The following MECOM variants were observed in gnomAD, a reference collection of about 807,000 sequenced individuals.
MECOM encodes MDS1 and EVI1 complex locus.
In MECOM, 13 loss-of-function variants were observed where a neutral mutation model predicts 116.3. That is an observed-to-expected ratio of 0.11 (90% CI 0.07 to 0.18). The LOEUF (loss-of-function observed/expected upper bound fraction) is 0.18. Ranked by LOEUF, MECOM falls within the 10% of genes least tolerant of loss-of-function variation. MECOM has a pLI of 1.00. For missense variants in MECOM, 1,299 were observed against 1,509.0 expected (o/e 0.86, Z 2.31); for synonymous variants, 528 against 535.2 (o/e 0.99, Z 0.19).
chr3:169,663,557 T>C lies in MECOM; in HGVS notation c.-185A>G, dbSNP rs908197647. The C allele has an allele frequency of 6.4e-6, 4 of 627,786 alleles. No homozygotes were observed. The highest frequency in any genetic ancestry group is 2.8e-5 in the East Asian group (1 of 35,962). 38.9% of individuals were successfully genotyped at this position (627,786 alleles called of 1,614,324 possible). ...CTCCCTCCTGTTTCTCTCCTGTTTC[T>C]CTCTCTCTTCCACACACTCACTCTC... On this transcript the variant is annotated 5_prime_UTR_variant, in exon 1 of 17. Coordinates refer to ENST00000651503, the MANE Select transcript of MECOM (RefSeq NM_004991.4).
At chr3:169,633,018 T>G (rs894372722) in intron 1 of MECOM, among the ~76,000 whole-genome samples, 2 of 152,214 alleles carry the variant, frequency 1.3e-5, no homozygotes, top group African/African-American at 4.8e-5. Flanking sequence ...TTCTATCCCA[T>G]GTAACTTCCT....
At chr3:169,441,500 G>T (rs1457354011) in intron 1 of MECOM, among the ~76,000 whole-genome samples, 1 of 151,948 alleles carries the variant, frequency 6.6e-6, no homozygotes, top group East Asian at 1.9e-4. Context: ...AAAATAGAAA[G>T]ACTATAGGAG....
At chr3:169,452,180 G>A (rs930722447) in intron 1 of MECOM, among the ~76,000 whole-genome samples, 1 of 151,898 alleles carries the variant, frequency 6.6e-6, no homozygotes, top group East Asian at 1.9e-4. Context: ...CACGGCCGAT[G>A]CCCAACTACA....
intron 2 of MECOM, among the ~76,000 whole-genome samples, chr3:169,199,926 G>C (rs528303996): frequency 6.6e-6 from 1 of 152,120 alleles, no homozygotes; most frequent in South Asian, 2.1e-4. Flanking sequence ...AAATATCTGA[G>C]TGAAAATTGG....
At chr3:169,203,991 G>A (rs923060114) in intron 2 of MECOM, among the ~76,000 whole-genome samples, 1 of 152,166 alleles carries the variant, frequency 6.6e-6, no homozygotes, top group African/African-American at 2.4e-5. Context: ...TGGCTTAGGT[G>A]TAAATTTATT....
chr3:169,231,792 A>C (rs1367474612), intron 2 of MECOM, among the ~76,000 whole-genome samples: 1 of 152,122 alleles, frequency 6.6e-6, no homozygotes, highest in Non-Finnish European at 1.5e-5. Context: ...AAAAAAGTGA[A>C]TATTATTTCT....
At position 169,626,197 on chromosome 3, in the gene MECOM, T is replaced by G. The variant is rs560001620; in HGVS notation, c.37+37139A>C. 7.2e-5 allele frequency among the ~76,000 whole-genome samples: 11 copies of G among 152,348 alleles called. No individual in the cohort carries two copies. The South Asian group carries it at 2.3e-3, about 32-fold the overall frequency. ...GTTTATAACAGCAGCTGTATCTGTTTGCATTTGTGGTGTAACTTATCCTCA... is the reference window on the plus strand; with the variant it reads ...GTTTATAACAGCAGCTGTATCTGTTGGCATTTGTGGTGTAACTTATCCTCA... On this transcript the variant is annotated intron_variant, in intron 1 of 16. Transcript: ENST00000651503.
chr3:169,227,109 A>C (rs1278342514), intron 2 of MECOM, among the ~76,000 whole-genome samples: 4 of 152,186 alleles, frequency 2.6e-5, no homozygotes, highest in Non-Finnish European at 5.9e-5. Flanking sequence ...TAAAATAGTC[A>C]TGGTGATGGA....
intron 2 of MECOM, among the ~76,000 whole-genome samples, chr3:169,285,734 C>A (rs986624445): frequency 6.6e-6 from 1 of 152,154 alleles, no homozygotes; most frequent in Non-Finnish European, 1.5e-5. Context: ...CAATCCGTAA[C>A]AAAGTCTTAG....
At chr3:169,403,951 C>T (rs1476181161) in intron 1 of MECOM, among the ~76,000 whole-genome samples, 1 of 151,814 alleles carries the variant, frequency 6.6e-6, no homozygotes, top group African/African-American at 2.4e-5. Flanking sequence ...TAACTCAGTC[C>T]CTGGTTTCCT....
At chr3:169,348,075 A>T (rs533391335) in intron 2 of MECOM, among the ~76,000 whole-genome samples, 15 of 151,390 alleles carry the variant, frequency 9.9e-5, no homozygotes, top group African/African-American at 3.1e-4. Context: ...ACTGAGCCTT[A>T]AAAAAAAATA....
chr3:169,260,875 A>C (rs1757450626), intron 2 of MECOM, among the ~76,000 whole-genome samples: 1 of 152,216 alleles, frequency 6.6e-6, no homozygotes, highest in Non-Finnish European at 1.5e-5. Flanking sequence ...GAATATTTAA[A>C]AGTTATACTT....
intron 1 of MECOM, among the ~76,000 whole-genome samples, chr3:169,409,704 C>A (rs928460569): frequency 6.6e-6 from 1 of 152,148 alleles, no homozygotes; most frequent in Non-Finnish European, 1.5e-5. Context: ...AACTGTACTC[C>A]CATGACTTTA....
At chr3:169,145,150 A>C in intron 2 of MECOM, 1 of 282,148 alleles carries the variant, frequency 3.5e-6, no homozygotes, top group Non-Finnish European at 6.0e-6. Context: ...TTAAACACAC[A>C]CACACACACA....
In MECOM at chr3:169,212,633, A is replaced by AATATATATAT. The variant is rs780806279; in HGVS notation, c.376-68802_376-68801insATATATATAT. 1.4e-4 allele frequency among the ~76,000 whole-genome samples: 12 copies of AATATATATAT among 85,518 alleles called. 2 individuals are homozygous for AATATATATAT. The highest frequency in any genetic ancestry group is 1.2e-3 in the East Asian group (3 of 2,604). The allele number at this position is 85,518 out of a possible 152,430, so 56.1% of individuals were successfully genotyped here. On this transcript the variant is annotated intron_variant, in intron 2 of 16. Coordinates refer to ENST00000651503, the MANE Select transcript of MECOM (RefSeq NM_004991.4). ...ACATAGTCTTGGTCTTCTAGTCAGC[A>AATATATATAT]ATGTATATATATATATATATATATA...
intron 2 of MECOM, among the ~76,000 whole-genome samples, chr3:169,284,599 G>C (rs1196334378): frequency 6.6e-6 from 1 of 151,838 alleles, no homozygotes. Context: ...ACACAAATGT[G>C]TGTGTATATA....
At chr3:169,097,131 A>C (rs1316806205) in intron 12 of MECOM, among the ~76,000 whole-genome samples, 1 of 152,104 alleles carries the variant, frequency 6.6e-6, no homozygotes, top group Non-Finnish European at 1.5e-5. Flanking sequence ...CTCCCACAAA[A>C]CACTTTAGAA....
At chr3:169,536,856 G>A (rs1576768200) in intron 1 of MECOM, among the ~76,000 whole-genome samples, 1 of 152,256 alleles carries the variant, frequency 6.6e-6, no homozygotes, top group South Asian at 2.1e-4. Context: ...GCCTGTAATT[G>A]ATTTTTCTAA....
At chr3:169,144,900 T>A (rs1739294881) in intron 2 of MECOM, 9 of 928,236 alleles carry the variant, frequency 9.7e-6, no homozygotes, top group Non-Finnish European at 1.7e-6. Flanking sequence ...CATAACCACA[T>A]AAAAGTTAAA....
Sources: gnomAD v4.1 joint callset for allele counts (sites outside exome capture counted in the v4.1 genomes callset) on GRCh38, gnomAD v4.1.1 for gene constraint, MANE v1.5 for transcripts, NCBI Gene and HGNC (gene_info 2026-07-23, HGNC 2026-07-21) for gene names.